Variants in SLCO5A1 observed in about 807,000 individuals in gnomAD.
The protein encoded by SLCO5A1 is solute carrier organic anion transporter family member 5A1, also known as organic anion transporter polypeptide-related protein 4.
Under a neutral mutation model 65.1 loss-of-function variants are expected in SLCO5A1, and 39 were observed. The ratio of observed to expected loss-of-function variants is 0.60; its 90% CI spans 0.46 to 0.78. The LOEUF (loss-of-function observed/expected upper bound fraction) is 0.78, where lower values mean the gene tolerates loss of function less well. Among genes scored for constraint, SLCO5A1 ranks in the 30% least tolerant of loss-of-function variants. SLCO5A1 has a pLI of 0.00. For missense variants in SLCO5A1, 1,029 were observed against 1,069.4 expected (o/e 0.96, Z 0.53); for synonymous variants, 438 against 415.7 (o/e 1.05, Z -0.65).
intron 6 of SLCO5A1, among the ~76,000 whole-genome samples, chr8:69,688,408 C>A (rs1814093407): frequency 6.6e-6 from 1 of 151,866 alleles, no homozygotes; most frequent in South Asian, 2.1e-4. Flanking sequence ...CATATGTATA[C>A]ATGTGCCATG....
Position 69,746,058 on chromosome 8 carries a change from C to T in SLCO5A1, c.1259-7854G>A, listed in dbSNP as rs563434849. Among the ~76,000 whole-genome samples the T allele has an allele frequency of 1.3e-5, 2 of 152,256 alleles. 1 individual carries two copies. Among genetic ancestry groups the T allele is most frequent in the South Asian group, 4.1e-4 (2 of 4,820 alleles). ...CAACATGGATTCCTTCCTCCTCTTC[C>T]TTCCACCTTCTTAGAATGTGCATAT... On this transcript the variant is annotated intron_variant, in intron 4 of 9. Transcript: ENST00000260126.
intron 5 of SLCO5A1, among the ~76,000 whole-genome samples, chr8:69,708,687 T>G (rs933253864): frequency 6.6e-6 from 1 of 152,042 alleles, no homozygotes; most frequent in Non-Finnish European, 1.5e-5. Flanking sequence ...GCAGATCATT[T>G]GAGGTCAGGA....
chr8:69,752,413 T>A (rs1817351927), intron 4 of SLCO5A1, among the ~76,000 whole-genome samples: 1 of 134,100 alleles, frequency 7.5e-6, no homozygotes. Context: ...AAAAGTAACC[T>A]CAATAATAAA....
intron 5 of SLCO5A1, among the ~76,000 whole-genome samples, chr8:69,707,057 A>C (rs1815002775): frequency 6.6e-6 from 1 of 152,180 alleles, no homozygotes; most frequent in South Asian, 2.1e-4. Context: ...CTGAGACAGG[A>C]GAATCGCTTG....
chr8:69,832,864 G>C lies in SLCO5A1; in HGVS notation c.-191C>G, dbSNP rs1462355894. The C allele has an allele frequency of 3.1e-6, 2 of 646,284 alleles. No individual in the cohort carries two copies. The highest frequency in any genetic ancestry group is 5.2e-6 in the Non-Finnish European group (2 of 385,786). The allele number at this position is 646,284 out of a possible 1,614,324, so 40.0% of individuals were successfully genotyped here. Reference sequence around the variant, plus strand: ...CCCAGTGCATCCTGATCACAGACACGGCTTCAAGGCTCCGCAGCCGCGTGC... The same window carrying C: ...CCCAGTGCATCCTGATCACAGACACCGCTTCAAGGCTCCGCAGCCGCGTGC... On this transcript the variant is annotated 5_prime_UTR_variant, in exon 2 of 10. Transcript: ENST00000260126. The surrounding 1 kb of genome is among the most constrained non-coding windows in gnomAD (Gnocchi z 4.5).
intron 6 of SLCO5A1, among the ~76,000 whole-genome samples, chr8:69,683,340 T>C (rs1813861478): frequency 6.6e-6 from 1 of 152,188 alleles, no homozygotes; most frequent in Non-Finnish European, 1.5e-5. Flanking sequence ...CCATCCATTT[T>C]TCCAGTATCT....
At chr8:69,761,483 C>G (rs1817773122) in intron 3 of SLCO5A1, 1 of 399,630 alleles carries the variant, frequency 2.5e-6, no homozygotes. Flanking sequence ...ACTGGGCCCA[C>G]CCAGGTCATC....
At chr8:69,679,015 C>A (rs1193308503) in intron 8 of SLCO5A1, among the ~76,000 whole-genome samples, 1 of 152,182 alleles carries the variant, frequency 6.6e-6, no homozygotes, top group Non-Finnish European at 1.5e-5. Flanking sequence ...AAATTACTTC[C>A]TGCCCTCCTC....
At position 69,668,964 on chromosome 8, in the gene SLCO5A1, T is replaced by C. The variant is rs1278696523; in HGVS notation, c.*3905A>G. On this transcript the variant is annotated 3_prime_UTR_variant, in exon 10 of 10. Coordinates refer to ENST00000260126, the MANE Select transcript of SLCO5A1 (RefSeq NM_030958.3). ...AAACTCATATTCATCAAAAAACTAA[T>C]AGAGATGTTAATATTCTGAAAGAGG... The C allele has an allele frequency of 2.6e-5, 4 of 151,884 alleles. No individual in the cohort carries two copies. The highest frequency in any genetic ancestry group is 2.1e-4 in the South Asian group (1 of 4,802). The allele number at this position is 151,884 out of a possible 1,614,324, so 9.4% of individuals were successfully genotyped here. A position where few individuals can be genotyped will look rare whatever the true frequency, so the allele number is the denominator to read the frequency against.
At chr8:69,746,772 A>G (rs559593476) in intron 4 of SLCO5A1, among the ~76,000 whole-genome samples, 7 of 152,314 alleles carry the variant, frequency 4.6e-5, no homozygotes, top group African/African-American at 1.7e-4. Flanking sequence ...ATAAATTTCT[A>G]TATTTTATAA....
intron 2 of SLCO5A1, among the ~76,000 whole-genome samples, chr8:69,827,678 C>CA (rs558404887): frequency 9.3e-4 from 141 of 151,880 alleles, no homozygotes; most frequent in African/African-American, 3.4e-3. Context: ...GGGTGGGTGG[C>CA]AAAAAATGTA....
At chr8:69,748,792 T>G (rs2130852920) in intron 4 of SLCO5A1, among the ~76,000 whole-genome samples, 1 of 152,298 alleles carries the variant, frequency 6.6e-6, no homozygotes, top group South Asian at 2.1e-4. Context: ...TGTTAAAAAA[T>G]GCTCATTCTC....
chr8:69,739,449 GTA>G (rs1554614900), intron 4 of SLCO5A1, among the ~76,000 whole-genome samples: 1 of 152,088 alleles, frequency 6.6e-6, no homozygotes, highest in Non-Finnish European at 1.5e-5. Flanking sequence ...GTACATTTAT[GTA>G]ATCTTTATGT....
At chr8:69,814,849 A>G (rs1455293301) in intron 2 of SLCO5A1, among the ~76,000 whole-genome samples, 1 of 152,230 alleles carries the variant, frequency 6.6e-6, no homozygotes, top group Non-Finnish European at 1.5e-5. Flanking sequence ...GTCATTTTTG[A>G]CAACATGGAT....
chr8:69,800,200 G>A (rs1160298779), intron 2 of SLCO5A1, among the ~76,000 whole-genome samples: 12 of 149,222 alleles, frequency 8.0e-5, no homozygotes, highest in Non-Finnish European at 1.5e-5. Context: ...ATCTGATTCG[G>A]AAAAGCCTTG....
intron 1 of SLCO5A1, chr8:69,833,543 C>G (rs530099438): frequency 3.3e-5 from 5 of 152,360 alleles, no homozygotes; most frequent in Admixed American, 3.3e-4. Flanking sequence ...TACTCCATTA[C>G]TCAAAATAGA....
chr8:69,761,417 C>T (rs965454019), intron 3 of SLCO5A1: 4 of 265,122 alleles, frequency 1.5e-5, no homozygotes, highest in Admixed American at 1.1e-4. Flanking sequence ...GTGCTTTAAT[C>T]ATCGAATCTC....
chr8:69,814,057 A>G (rs566797574), intron 2 of SLCO5A1, among the ~76,000 whole-genome samples: 8 of 152,116 alleles, frequency 5.3e-5, no homozygotes. Context: ...TAGACAAGAA[A>G]CTGTAACAAA....
At chr8:69,834,200 C>T (rs186482361) in intron 1 of SLCO5A1, 311 of 153,416 alleles carry the variant, frequency 2.0e-3, no homozygotes, top group Middle Eastern at 6.7e-3. Flanking sequence ...ACAGGTGTGC[C>T]CCCGTGGTAA....
Sources: gnomAD v4.1 joint callset for allele counts (sites outside exome capture counted in the v4.1 genomes callset) on GRCh38, gnomAD v4.1.1 for gene constraint, Gnocchi (gnomAD v3.1) non-coding constraint, MANE v1.5 for transcripts, NCBI Gene and HGNC (gene_info 2026-07-23, HGNC 2026-07-21) for gene names.